CCDC30: variants seen among roughly 807,000 people sequenced by gnomAD.
CCDC30 encodes coiled-coil domain containing 30, also known as coiled-coil domain-containing protein 30.
A neutral mutation model predicts 100.2 loss-of-function variants in CCDC30; 70 were observed. The ratio of observed to expected loss-of-function variants is 0.70; its 90% confidence interval spans 0.58 to 0.85. The LOEUF (loss-of-function observed/expected upper bound fraction) is 0.85. Among genes scored for constraint, CCDC30 ranks in the 40% least tolerant of loss-of-function variants. The probability of loss-of-function intolerance (pLI) is 0.00; values close to 1 mark genes in which losing one functional copy is unlikely to be tolerated. For missense variants in CCDC30, 652 were observed against 771.2 expected, an observed-to-expected ratio of 0.85 and a Z score of 1.83; for synonymous variants, 233 against 269.5, an observed-to-expected ratio of 0.86 and a Z score of 1.33.
chr1:42,538,806 G>C (rs1644958195), intron 6 of CCDC30, among the ~76,000 whole-genome samples: 1 of 151,992 alleles, frequency 6.6e-6, no homozygotes, highest in Non-Finnish European at 1.5e-5. Flanking sequence ...TTCTATAAAT[G>C]GTACTTCTAA....
intron 6 of CCDC30, among the ~76,000 whole-genome samples, chr1:42,545,919 G>A (rs1053869892): frequency 7.3e-5 from 11 of 150,550 alleles, no homozygotes; most frequent in African/African-American, 2.7e-4. Context: ...ACTGCAGCCT[G>A]GGCAACAGAG....
exon 9 of CCDC30, chr1:42,581,497 A>G (rs749950787): frequency 1.2e-6 from 2 of 1,613,210 alleles, no homozygotes; most frequent in Non-Finnish European, 1.7e-6. Flanking sequence ...AACAATATCA[A>G]GAAGAACAAC....
At chr1:42,478,048 C>T (rs569189909) in intron 1 of CCDC30, among the ~76,000 whole-genome samples, 4 of 152,286 alleles carry the variant, frequency 2.6e-5, no homozygotes, top group South Asian at 2.1e-4. Flanking sequence ...GGATTTGACA[C>T]CTGGACTATG....
chr1:42,472,322 TTCATATACTG>T (rs1197862707), intron 1 of CCDC30, among the ~76,000 whole-genome samples: 1 of 152,186 alleles, frequency 6.6e-6, no homozygotes, highest in Non-Finnish European at 1.5e-5. Flanking sequence ...ATATTTATCT[TTCATATACTG>T]TCATACTGCA....
Position 42,483,707 on chromosome 1 carries a change from A to C in CCDC30, c.169+891A>C, listed in dbSNP as rs113756327. On this transcript the variant is annotated intron_variant, in intron 3 of 16. Transcript: ENST00000668663. The stretch of plus-strand genomic sequence containing the variant: ...GCTCGAGTCTGTTGTATATTTTTCT[A>C]TTTTATTTATTTGTGGGAGTTCTTT... Among the ~76,000 whole-genome samples the C allele has an allele frequency of 4.3e-3, 648 of 152,064 alleles. 2 individuals are homozygous for C. The highest frequency in any genetic ancestry group is 0.015 in the African/African-American group (605 of 41,484).
At chr1:42,634,267 A>C (rs1025779078) in intron 11 of CCDC30, among the ~76,000 whole-genome samples, 23 of 151,818 alleles carry the variant, frequency 1.5e-4, no homozygotes, top group African/African-American at 4.1e-4. Context: ...AAAAAAAAAA[A>C]AAAAAAACAA....
At chr1:42,482,914 C>T in intron 3 of CCDC30, 98 bp downstream of exon 3, 1 of 848,878 alleles carries the variant, frequency 1.2e-6, no homozygotes. Flanking sequence ...CACTGAGAAA[C>T]AAGTCTTTAA....
intron 10 of CCDC30, among the ~76,000 whole-genome samples, chr1:42,599,701 TA>T (rs2148622805): frequency 6.6e-6 from 1 of 152,242 alleles, no homozygotes; most frequent in Non-Finnish European, 1.5e-5. Context: ...AAATTAAAAG[TA>T]AATGGATGGA....
upstream of CCDC30, chr1:42,459,948 C>G (rs1228630243): frequency 6.4e-6 from 10 of 1,564,914 alleles, no homozygotes; most frequent in African/African-American, 1.4e-5. Context: ...CTTATAGGAT[C>G]AAAAATTGTT....
chr1:42,536,597 G>A (rs1366473294), intron 6 of CCDC30: 1 of 1,598,468 alleles, frequency 6.3e-7, no homozygotes, highest in Non-Finnish European at 8.6e-7. Context: ...AAAGTTGAAA[G>A]TGAGGTATTA....
intron 6 of CCDC30, among the ~76,000 whole-genome samples, chr1:42,543,447 G>A (rs964616682): frequency 6.6e-6 from 1 of 151,644 alleles, no homozygotes; most frequent in Non-Finnish European, 1.5e-5. Flanking sequence ...TCAGCCATCC[G>A]AGTAACTGGG....
In CCDC30 at chr1:42,520,182, A is replaced by C. The variant is rs542302434; in HGVS notation, c.456+21266A>C. ...TTTGTTTTCCTTTTCTAGTTCTTTA[A>C]GTTGTGAAGTTAGCTTGTTGATTTG... On this transcript the variant is annotated intron_variant, in intron 6 of 16. Coordinates refer to ENST00000668663, the Ensembl canonical transcript of CCDC30. Among the ~76,000 whole-genome samples, 13 of 151,538 alleles carry C rather than the reference A, an allele frequency of 8.6e-5. No individual in the cohort carries two copies. The South Asian group carries it at 2.7e-3, about 32-fold the overall frequency.
intron 6 of CCDC30, chr1:42,529,491 A>G (rs1007450455): frequency 6.6e-6 from 1 of 152,058 alleles, no homozygotes; most frequent in Non-Finnish European, 1.5e-5. Flanking sequence ...AAATAAATAA[A>G]TAAATAAATG....
At chr1:42,484,269 A>C (rs1644014671) in intron 3 of CCDC30, among the ~76,000 whole-genome samples, 1 of 152,192 alleles carries the variant, frequency 6.6e-6, no homozygotes, top group Non-Finnish European at 1.5e-5. Context: ...ATTTGTCAGA[A>C]TTCTTCAAAC....
At chr1:42,635,787 A>C (rs1179390567) in intron 11 of CCDC30, among the ~76,000 whole-genome samples, 1 of 150,262 alleles carries the variant, frequency 6.7e-6, no homozygotes, top group East Asian at 2.0e-4. Flanking sequence ...CAGCCTGGGC[A>C]ACAGAGTGAG....
At chr1:42,640,018 T>A (rs1557485119) in intron 12 of CCDC30, among the ~76,000 whole-genome samples, 1 of 152,054 alleles carries the variant, frequency 6.6e-6, no homozygotes, top group Non-Finnish European at 1.5e-5. Context: ...GATTCATTGT[T>A]CACATGAGAA....
intron 5 of CCDC30, 93 bp downstream of exon 5, chr1:42,497,306 T>TCC: frequency 1.4e-6 from 1 of 704,844 alleles, no homozygotes; most frequent in Non-Finnish European, 2.0e-6. Context: ...TGTAAGTTGG[T>TCC]CTTTAGCAGG....
intron 10 of CCDC30, among the ~76,000 whole-genome samples, chr1:42,610,218 C>T (rs1004795316): frequency 6.6e-6 from 1 of 152,168 alleles, no homozygotes; most frequent in Non-Finnish European, 1.5e-5. Flanking sequence ...ATAATCAATT[C>T]TTTTGCCATA....
chr1:42,526,309 A>G (rs1183330650), intron 6 of CCDC30, among the ~76,000 whole-genome samples: 1 of 151,546 alleles, frequency 6.6e-6, no homozygotes, highest in Non-Finnish European at 1.5e-5. Flanking sequence ...GGGTGAGGAA[A>G]ATCTCATCCT....
Sources: gnomAD v4.1 joint callset for allele counts (sites outside exome capture counted in the v4.1 genomes callset) on GRCh38, gnomAD v4.1.1 for gene constraint, MANE v1.5 for transcripts, NCBI Gene and HGNC (gene_info 2026-07-23, HGNC 2026-07-21) for gene names.